OSBPL1A: variants seen among roughly 807,000 people sequenced by gnomAD.
OSBPL1A encodes the protein oxysterol-binding protein-related protein 1.
OSBPL1A carries 80 observed loss-of-function variants against 137.1 expected under a neutral mutation model. The observed-to-expected ratio is 0.58, with a 90% CI of 0.49 to 0.70. The LOEUF is 0.70. Ranked by LOEUF, OSBPL1A falls within the 30% of genes least tolerant of loss-of-function variation. The probability of loss-of-function intolerance (pLI) is 0.00; values close to 1 mark genes in which losing one functional copy is unlikely to be tolerated. For synonymous variants in OSBPL1A, 365 were observed against 389.7 expected (o/e 0.94, Z 0.75); for missense variants, 970 against 1,129.4 (o/e 0.86, Z 2.02).
intron 15 of OSBPL1A, among the ~76,000 whole-genome samples, chr18:24,254,916 T>G (rs1478417074): frequency 6.6e-6 from 1 of 152,038 alleles, no homozygotes; most frequent in East Asian, 1.9e-4. Context: ...AAAAAGATGG[T>G]TTTTTGAAAA....
intron 5 of OSBPL1A, among the ~76,000 whole-genome samples, chr18:24,337,249 C>T (rs2091189884): frequency 6.6e-6 from 1 of 152,106 alleles, no homozygotes; most frequent in Non-Finnish European, 1.5e-5. Context: ...AACCCCAATA[C>T]TCTAGGAGGC....
At position 24,303,743 on chromosome 18, in the gene OSBPL1A, T is replaced by A. The variant is rs751858445; in HGVS notation, c.1093-25A>T. On this transcript the variant is annotated intron_variant, in intron 13 of 27. Coordinates refer to ENST00000319481, the MANE Select transcript of OSBPL1A (RefSeq NM_080597.4). The stretch of plus-strand genomic sequence containing the variant: ...TCTGCAAAAAAAGAAAAGACAAAAT[T>A]AAAACAAAGTAATAAAAGATTTTAC... 4 of 1,563,850 alleles carry A rather than the reference T, an allele frequency of 2.6e-6. No individual in the cohort carries two copies. The highest frequency in any genetic ancestry group is 2.6e-6 in the Non-Finnish European group (3 of 1,136,392).
chr18:24,230,198 T>TG (rs1475809426), intron 16 of OSBPL1A, among the ~76,000 whole-genome samples: 1 of 152,170 alleles, frequency 6.6e-6, no homozygotes, highest in Non-Finnish European at 1.5e-5. Context: ...AGTGCTCTCT[T>TG]GCAGTAGGGT....
At position 24,165,131 on chromosome 18, in the gene OSBPL1A, C is replaced by T. The variant is rs146283775; in HGVS notation, c.2684G>A (p.Arg895Gln). ...EIDQASEEKKRLEEKQRAARK... is the reference protein window; with the variant it reads ...EIDQASEEKKQLEEKQRAARK... ...GGCTGCTCTTTGTTTTTCCTCAAGT[C>T]GTTTTTTTTCTTCACTAGCTTGATC... Residue 895 changes from arginine to glutamine, a missense_variant, in exon 27 of 28, where the codon CGA becomes CAA. Arg to Gln is a conservative substitution (Grantham distance 43). This residue lies in a region of OSBPL1A where 323 missense variants were observed against 456.8 expected (regional missense o/e 0.71). Coordinates refer to ENST00000319481, the MANE Select transcript of OSBPL1A (RefSeq NM_080597.4). 63 of 1,613,840 alleles carry T rather than the reference C, an allele frequency of 3.9e-5. No individual in the cohort carries two copies. The highest frequency in any genetic ancestry group is 2.3e-4 in the Admixed American group (14 of 59,996).
chr18:24,231,785 C>T (rs117887825), intron 16 of OSBPL1A, among the ~76,000 whole-genome samples: 2,197 of 152,312 alleles, frequency 0.014, 17 homozygotes, highest in Middle Eastern at 0.051. Context: ...AGAGAACTTT[C>T]CAAGAGTTGA....
At chr18:24,340,912 CT>C (rs1392706303) in intron 5 of OSBPL1A, among the ~76,000 whole-genome samples, 3 of 152,190 alleles carry the variant, frequency 2.0e-5, no homozygotes, top group Non-Finnish European at 4.4e-5. Flanking sequence ...TTTCATCAGT[CT>C]ATTAGCCACA....
chr18:24,340,483 G>A lies in OSBPL1A; in HGVS notation c.394+1064C>T, dbSNP rs1013954813. Among the ~76,000 whole-genome samples, 5 of 152,156 alleles carry A rather than the reference G, an allele frequency of 3.3e-5. No homozygotes were observed. In the East Asian group the frequency reaches 9.7e-4, roughly 29 times the overall value. On this transcript the variant is annotated intron_variant, in intron 5 of 27. Coordinates refer to ENST00000319481, the MANE Select transcript of OSBPL1A (RefSeq NM_080597.4). Reference sequence around the variant, plus strand: ...GAGACCAGGAGTTCAAGACCAGCCTGGGCAACATAGTGAGACCTCATCTCA... The same window carrying A: ...GAGACCAGGAGTTCAAGACCAGCCTAGGCAACATAGTGAGACCTCATCTCA...
Position 24,239,288 on chromosome 18 carries a change from T to G in OSBPL1A, c.1376A>C (p.Gln459Pro), listed in dbSNP as rs371881051. 4.3e-5 allele frequency: 69 copies of G among 1,614,026 alleles called. No individual in the cohort carries two copies. The highest frequency in any genetic ancestry group is 5.6e-5 in the Non-Finnish European group (66 of 1,180,004). ...GGGTGGAGAGCCTTTCACCAGAGAC[T>G]GCTCTAATTCATGATGTTCAGTGGC... is the stretch of plus-strand genomic sequence containing the variant. ...TLATEHHELE[Q>P]SLVKGSPPAS... Residue 459 changes from glutamine to proline, a missense_variant, in exon 16 of 28, where the codon CAG (glutamine) becomes CCG (proline). Physicochemically the swap from Gln to Pro is moderately conservative, Grantham distance 76. Around this residue, in one of 2 missense-constraint regions of OSBPL1A, gnomAD observed 647 missense variants for 672.6 expected, o/e 0.96. Transcript: ENST00000319481.
At chr18:24,336,699 A>G (rs1360132204) in intron 5 of OSBPL1A, among the ~76,000 whole-genome samples, 3 of 152,226 alleles carry the variant, frequency 2.0e-5, no homozygotes, top group Admixed American at 2.0e-4. Flanking sequence ...GTTAGTGAGG[A>G]TCTTAGAGGT....
chr18:24,205,092 C>T (rs1340235353), intron 17 of OSBPL1A, among the ~76,000 whole-genome samples: 1 of 152,178 alleles, frequency 6.6e-6, no homozygotes, highest in African/African-American at 2.4e-5. Flanking sequence ...ATGTGTATCA[C>T]CTCATTTAAT....
intron 15 of OSBPL1A, among the ~76,000 whole-genome samples, chr18:24,251,622 T>G (rs1343476567): frequency 6.6e-6 from 1 of 152,134 alleles, no homozygotes. Flanking sequence ...AAGCCTAGAC[T>G]GTGAAAACTA....
intron 18 of OSBPL1A, among the ~76,000 whole-genome samples, chr18:24,188,027 T>C (rs1167208553): frequency 1.3e-5 from 2 of 152,242 alleles, no homozygotes; most frequent in African/African-American, 4.8e-5. Context: ...TAAAAGTTTA[T>C]TCATTAAAGA....
At chr18:24,205,893 T>G (rs1372485622) in intron 17 of OSBPL1A, among the ~76,000 whole-genome samples, 3 of 152,172 alleles carry the variant, frequency 2.0e-5, no homozygotes, top group Non-Finnish European at 2.9e-5. Flanking sequence ...GAAGCCTTTT[T>G]TATTGTTGTT....
intron 5 of OSBPL1A, among the ~76,000 whole-genome samples, chr18:24,338,063 A>G (rs1172483175): frequency 6.8e-6 from 1 of 147,426 alleles, no homozygotes; most frequent in African/African-American, 2.6e-5. Flanking sequence ...TAGATTAGAA[A>G]TTTTTCTTTT....
At chr18:24,319,441 C>T (rs751192994) in intron 7 of OSBPL1A, among the ~76,000 whole-genome samples, 29 of 152,266 alleles carry the variant, frequency 1.9e-4, no homozygotes, top group Admixed American at 8.5e-4. Context: ...TCAGCCGTCT[C>T]GCTGCATAAT....
chr18:24,371,159 C>G (rs1226238087), intron 2 of OSBPL1A, among the ~76,000 whole-genome samples: 4 of 152,140 alleles, frequency 2.6e-5, no homozygotes, highest in Non-Finnish European at 2.9e-5. Flanking sequence ...TCTCCATAAC[C>G]ACACCCAGGT....
intron 15 of OSBPL1A, among the ~76,000 whole-genome samples, chr18:24,274,524 T>G (rs1163673525): frequency 6.6e-6 from 1 of 152,124 alleles, no homozygotes; most frequent in African/African-American, 2.4e-5. Context: ...GGTGACATCA[T>G]CCAGGGAGAA....
chr18:24,181,572 T>C (rs1371848595), intron 18 of OSBPL1A, among the ~76,000 whole-genome samples: 1 of 152,182 alleles, frequency 6.6e-6, no homozygotes, highest in African/African-American at 2.4e-5. Context: ...TCAGTCTGCC[T>C]TACATCAGAA....
At chr18:24,388,792 C>T (rs1366432937) in intron 1 of OSBPL1A, among the ~76,000 whole-genome samples, 2 of 109,288 alleles carry the variant, frequency 1.8e-5, no homozygotes, top group Non-Finnish European at 3.4e-5. Flanking sequence ...AAGAGTGAGA[C>T]TCTGTCTCAA....
Sources: allele counts gnomAD v4.1 joint callset (sites outside exome capture counted in the v4.1 genomes callset), GRCh38; gene constraint gnomAD v4.1.1; regional missense constraint gnomAD v4.1.1; transcripts MANE v1.5; gene names NCBI Gene and HGNC (gene_info 2026-07-23, HGNC 2026-07-21).